The following SORCS3 variants were observed in gnomAD, a reference collection of about 807,000 sequenced individuals.
SORCS3 encodes sortilin related VPS10 domain containing receptor 3.
SORCS3 carries 57 observed loss-of-function variants against 146.3 expected under a neutral mutation model. The ratio of observed to expected loss-of-function variants is 0.39; its 90% CI spans 0.31 to 0.49. The LOEUF is 0.49. SORCS3 is among the 20% of genes least tolerant of loss of function. The probability of loss-of-function intolerance (pLI) is 0.92; values close to 1 mark genes in which losing one functional copy is unlikely to be tolerated. For synonymous variants in SORCS3, 653 were observed against 618.5 expected, an observed-to-expected ratio of 1.06 and a Z score of -0.83; for missense variants, 1,341 against 1,575.5, an observed-to-expected ratio of 0.85 and a Z score of 2.52.
chr10:105,220,719 G>A lies in SORCS3; in HGVS notation c.2735-2397G>A, dbSNP rs560675785. ...CCCCCCTTGGATGTGGACTAGCCAG[G>A]AGCCCCGCCCCACAGCCTCTTTCTC... On this transcript the variant is annotated intron_variant, in intron 19 of 26. Transcript: ENST00000369701. Among the ~76,000 whole-genome samples the A allele has an allele frequency of 1.6e-3, 250 of 152,148 alleles. 2 individuals carry two copies. The highest frequency in any genetic ancestry group is 9.3e-3 in the South Asian group (45 of 4,816).
rs566306397 is a variant in SORCS3, at chr10:104,854,642, G to A, written c.695+11783G>A. ...GTAGGTTTGTCTATCTGCCCTCATA[G>A]TTATGATGCTGAACTGTTCCATCAC... On this transcript the variant is annotated intron_variant, in intron 2 of 26. Transcript: ENST00000369701. Among the ~76,000 whole-genome samples the A allele has an allele frequency of 3.3e-5, 5 of 152,188 alleles. No individual in the cohort carries two copies. The East Asian group carries it at 9.7e-4, about 29-fold the overall frequency.
chr10:105,129,876 A>G (rs889209102), intron 7 of SORCS3, among the ~76,000 whole-genome samples: 4 of 152,226 alleles, frequency 2.6e-5, no homozygotes, highest in Admixed American at 2.0e-4. Flanking sequence ...GGCTGAGGGC[A>G]AGGAGAATTT....
Position 104,696,383 on chromosome 10 carries a change from ATT to A in SORCS3, c.627+54430_627+54431del, listed in dbSNP as rs1564661231. Reference sequence around the variant, plus strand: ...ATATCATATATAGTATATAATATATATTATATAATATATAATATATAATATAG... The same window carrying A: ...ATATCATATATAGTATATAATATATAATATAATATATAATATATAATATAG... On this transcript the variant is annotated intron_variant, in intron 1 of 26. Transcript: ENST00000369701. Among the ~76,000 whole-genome samples, 19 of 52,706 alleles carry A rather than the reference ATT, an allele frequency of 3.6e-4. 7 individuals carry two copies. The highest frequency in any genetic ancestry group is 4.5e-4 in the African/African-American group (7 of 15,620). 34.6% of individuals were successfully genotyped at this position (52,706 alleles called of 152,430 possible).
intron 14 of SORCS3, among the ~76,000 whole-genome samples, chr10:105,182,379 C>G (rs2056448627): frequency 6.6e-6 from 1 of 151,686 alleles, no homozygotes; most frequent in African/African-American, 2.4e-5. Context: ...CTCACATGTT[C>G]ATAAAGAGGC....
intron 4 of SORCS3, among the ~76,000 whole-genome samples, chr10:105,042,232 A>G (rs1459198894): frequency 2.0e-5 from 3 of 152,170 alleles, no homozygotes; most frequent in African/African-American, 7.2e-5. Context: ...CAGTGGTGGC[A>G]CCGTGGAAGC....
intron 1 of SORCS3, among the ~76,000 whole-genome samples, chr10:104,834,569 A>T (rs1589517379): frequency 7.1e-6 from 1 of 140,334 alleles, no homozygotes; most frequent in African/African-American, 2.7e-5. Context: ...CCCACCTGCC[A>T]CCCCCCCAGC....
At chr10:104,815,448 CA>C (rs5787549) in intron 1 of SORCS3, among the ~76,000 whole-genome samples, 97 of 79,362 alleles carry the variant, frequency 1.2e-3, no homozygotes, top group Middle Eastern at 7.6e-3. Context: ...GACCCTGTCT[CA>C]AAAAAAAAAA....
At chr10:104,899,195 T>C (rs2018827392) in intron 2 of SORCS3, among the ~76,000 whole-genome samples, 1 of 152,186 alleles carries the variant, frequency 6.6e-6, no homozygotes, top group Admixed American at 6.5e-5. Context: ...TCAGAGGAAA[T>C]ATTCATTTAA....
chr10:104,879,397 C>T (rs1346575951), intron 2 of SORCS3, among the ~76,000 whole-genome samples: 2 of 152,146 alleles, frequency 1.3e-5, no homozygotes, highest in Non-Finnish European at 2.9e-5. Context: ...CACTCTCTGA[C>T]CCACTGCAGC....
chr10:104,999,889 C>T (rs909811714), intron 4 of SORCS3, among the ~76,000 whole-genome samples: 3 of 152,088 alleles, frequency 2.0e-5, no homozygotes, highest in African/African-American at 2.4e-5. Context: ...TTCATATGGC[C>T]ACCTTCTTGT....
chr10:105,231,170 G>A (rs1211125978), intron 20 of SORCS3, among the ~76,000 whole-genome samples: 1 of 152,158 alleles, frequency 6.6e-6, no homozygotes, highest in African/African-American at 2.4e-5. Context: ...TTGAACTCCA[G>A]GATTCTTTCT....
chr10:105,077,563 CACAG>C (rs200824379), intron 5 of SORCS3, among the ~76,000 whole-genome samples: 8,670 of 40,098 alleles, frequency 0.22, 310 homozygotes, highest in Middle Eastern at 0.26. Flanking sequence ...CACACACACA[CACAG>C]AGGGATGGTA....
chr10:105,263,377 C>T lies in SORCS3; in HGVS notation c.*3C>T, dbSNP rs1229580779. On this transcript the variant is annotated 3_prime_UTR_variant, in exon 27 of 27. Coordinates refer to ENST00000369701, the MANE Select transcript of SORCS3 (RefSeq NM_014978.3). The stretch of plus-strand genomic sequence containing the variant: ...TCCCCAACTGCACTAGTGTTTAATA[C>T]CAGCAAGCCACGTGGTCAACCACCT... 6.2e-7 allele frequency: 1 copy of T among 1,613,690 alleles called. No homozygotes were observed. Among genetic ancestry groups the T allele is most frequent in the African/African-American group, 1.3e-5 (1 of 74,900 alleles).
intron 17 of SORCS3, among the ~76,000 whole-genome samples, 156 bp downstream of exon 17, chr10:105,211,406 G>C (rs2056632955): frequency 6.6e-6 from 1 of 152,212 alleles, no homozygotes; most frequent in Non-Finnish European, 1.5e-5. Context: ...CTTTAGCTGA[G>C]AGTATCTATT....
At chr10:104,959,952 A>C (rs1445063194) in intron 3 of SORCS3, among the ~76,000 whole-genome samples, 1 of 152,106 alleles carries the variant, frequency 6.6e-6, no homozygotes, top group South Asian at 2.1e-4. Flanking sequence ...ACGGACTCTA[A>C]GGCACCATTG....
At chr10:105,172,344 G>T (rs1295114742) in intron 13 of SORCS3, among the ~76,000 whole-genome samples, 1 of 152,144 alleles carries the variant, frequency 6.6e-6, no homozygotes, top group Admixed American at 6.5e-5. Flanking sequence ...AATAGGGGTT[G>T]GGATACACTG....
At chr10:105,233,394 G>A (rs1223061777) in intron 20 of SORCS3, among the ~76,000 whole-genome samples, 2 of 151,976 alleles carry the variant, frequency 1.3e-5, no homozygotes, top group Non-Finnish European at 2.9e-5. Context: ...AGTCAATTGA[G>A]AATAATACTT....
intron 2 of SORCS3, among the ~76,000 whole-genome samples, chr10:104,885,169 T>A (rs2018670117): frequency 1.3e-5 from 2 of 152,196 alleles, no homozygotes. Context: ...CAGGGAGCAC[T>A]GTCTCAGGTC....
intron 1 of SORCS3, among the ~76,000 whole-genome samples, chr10:104,656,984 A>T (rs1192197121): frequency 6.6e-6 from 1 of 152,202 alleles, no homozygotes; most frequent in African/African-American, 2.4e-5. Context: ...CTCTCTCTGA[A>T]TGGGACCTTC....
Sources: allele counts gnomAD v4.1 joint callset (sites outside exome capture counted in the v4.1 genomes callset), GRCh38; gene constraint gnomAD v4.1.1; transcripts MANE v1.5; gene names NCBI Gene and HGNC (gene_info 2026-07-23, HGNC 2026-07-21).